MRPS6: variants seen among roughly 807,000 people sequenced by gnomAD.
MRPS6 encodes small ribosomal subunit protein bS6m.
MRPS6 carries 6 observed loss-of-function variants against 13.1 expected under a neutral mutation model. The ratio of observed to expected loss-of-function variants is 0.46; its 90% CI spans 0.25 to 0.91. The LOEUF is 0.91. MRPS6 is among the 40% of genes least tolerant of loss of function. The pLI is 0.18. For missense variants in MRPS6, 164 were observed against 155.6 expected (o/e 1.05, Z -0.29); for synonymous variants, 61 against 56.5 (o/e 1.08, Z -0.36).
At chr21:34,119,972 C>A (rs1980063324) in intron 1 of MRPS6, among the ~76,000 whole-genome samples, 2 of 152,176 alleles carry the variant, frequency 1.3e-5, no homozygotes, top group Non-Finnish European at 2.9e-5. Context: ...ATCTCTAGAA[C>A]TGTGGTTTTC....
chr21:34,113,257 C>T (rs1036744046), intron 1 of MRPS6, among the ~76,000 whole-genome samples: 2 of 152,086 alleles, frequency 1.3e-5, no homozygotes, highest in Non-Finnish European at 2.9e-5. Flanking sequence ...AAATCAGCAT[C>T]GAAGAGGTGT....
intron 1 of MRPS6, among the ~76,000 whole-genome samples, chr21:34,119,852 C>G (rs1198710985): frequency 6.6e-6 from 1 of 152,176 alleles, no homozygotes; most frequent in Non-Finnish European, 1.5e-5. Context: ...GCTTCAGTAA[C>G]CTTCCTGAGT....
chr21:34,105,087 T>G (rs1283828648), intron 1 of MRPS6: 1 of 1,000,072 alleles, frequency 1.0e-6, no homozygotes, highest in Non-Finnish European at 1.2e-6. Context: ...TGCAAAAGCT[T>G]TATTTTTTTT....
intron 1 of MRPS6, chr21:34,123,527 A>C (rs1481765703): frequency 6.7e-6 from 1 of 150,368 alleles, no homozygotes; most frequent in Non-Finnish European, 1.5e-5. Flanking sequence ...ATCCCATCCC[A>C]AATCTGTAAA....
At chr21:34,124,720 G>C (rs1371946231) in intron 1 of MRPS6, 1 of 151,850 alleles carries the variant, frequency 6.6e-6, no homozygotes, top group African/African-American at 2.4e-5. Context: ...TCTTCCTTTC[G>C]TGAGCCCTCT....
chr21:34,117,319 G>A (rs922054315), intron 1 of MRPS6, among the ~76,000 whole-genome samples: 1 of 151,976 alleles, frequency 6.6e-6, no homozygotes, highest in African/African-American at 2.4e-5. Context: ...CACTCTGAGA[G>A]CACCCAAAGT....
chr21:34,101,412 C>CT, intron 1 of MRPS6: 3 of 1,000,110 alleles, frequency 3.0e-6, no homozygotes, highest in Non-Finnish European at 3.6e-6. Context: ...TGCTTTGAGG[C>CT]TTCAGTATTT....
At chr21:34,131,571 G>A (rs1389483600) in intron 2 of MRPS6, among the ~76,000 whole-genome samples, 1 of 152,104 alleles carries the variant, frequency 6.6e-6, no homozygotes, top group Non-Finnish European at 1.5e-5. Context: ...TCCCATTTTT[G>A]TAGGTCTCTT....
chr21:34,095,308 G>T lies in MRPS6; in HGVS notation c.45+21563G>T, dbSNP rs1432399615. 6.2e-7 allele frequency: 1 copy of T among 1,614,132 alleles called. No homozygotes were observed. Among genetic ancestry groups the T allele is most frequent in the Admixed American group, 1.7e-5 (1 of 60,026 alleles). ...TGGAAATCTAATAGAAGCACCGTGA[G>T]TGGATACTTCCTGGCGGGGCGCTCT... On this transcript the variant is annotated intron_variant, in intron 1 of 2. Transcript: ENST00000399312.
intron 1 of MRPS6, chr21:34,095,755 C>T (rs780763091): frequency 1.2e-6 from 2 of 1,614,092 alleles, no homozygotes; most frequent in Non-Finnish European, 1.7e-6. Flanking sequence ...TACACAGACA[C>T]TCTGCAGGCT....
At chr21:34,102,791 A>G (rs1193769588) in intron 1 of MRPS6, 6 of 1,000,006 alleles carry the variant, frequency 6.0e-6, no homozygotes, top group Non-Finnish European at 7.2e-6. Flanking sequence ...GCACTATAAC[A>G]TAATTGTTGT....
intron 1 of MRPS6, among the ~76,000 whole-genome samples, chr21:34,108,691 A>G (rs1014595127): frequency 1.3e-5 from 2 of 152,224 alleles, no homozygotes; most frequent in African/African-American, 4.8e-5. Flanking sequence ...TTGCATGGAT[A>G]GAGTCTTTAT....
At position 34,096,774 on chromosome 21, in the gene MRPS6, A is replaced by G. The variant is rs920946715; in HGVS notation, c.45+23029A>G. On this transcript the variant is annotated intron_variant, in intron 1 of 2. Transcript: ENST00000399312. The surrounding 1 kb of genome is among the most constrained non-coding windows in gnomAD (Gnocchi z 5.9). ...ATTGTTTTGGGTCACGGGACTCATT[A>G]CTGTAATTGTGAGCCTTCTCACACC... is the stretch of plus-strand genomic sequence containing the variant. 6.2e-7 allele frequency: 1 copy of G among 1,614,030 alleles called. No individual in the cohort carries two copies. The highest frequency in any genetic ancestry group is 1.7e-5 in the Admixed American group (1 of 59,990).
chr21:34,105,729 T>C (rs759984897), intron 1 of MRPS6: 12 of 998,148 alleles, frequency 1.2e-5, no homozygotes, highest in African/African-American at 1.7e-5. Context: ...CCAGTTTACC[T>C]TCTGTTGTCT....
chr21:34,138,192 C>T (rs1174313447), intron 2 of MRPS6, among the ~76,000 whole-genome samples: 1 of 151,164 alleles, frequency 6.6e-6, no homozygotes, highest in African/African-American at 2.4e-5. Context: ...AAAATTTTCT[C>T]CCATTTTGTA....
chr21:34,083,435 A>G (rs1354605493), intron 1 of MRPS6, among the ~76,000 whole-genome samples: 3 of 152,218 alleles, frequency 2.0e-5, no homozygotes, highest in African/African-American at 7.2e-5. Context: ...TTTAAGGTGA[A>G]TTTCTGTTGC....
At position 34,142,896 on chromosome 21, in the gene MRPS6, A is replaced by G. The variant is rs866845328; in HGVS notation, c.*296A>G. 4.3e-6 allele frequency: 1 copy of G among 234,742 alleles called. No homozygotes were observed. Among genetic ancestry groups the G allele is most frequent in the Non-Finnish European group, 8.2e-6 (1 of 122,578 alleles). 14.5% of individuals were successfully genotyped at this position (234,742 alleles called of 1,614,324 possible). A position where few individuals can be genotyped will look rare whatever the true frequency, so the allele number is the denominator to read the frequency against. The stretch of plus-strand genomic sequence containing the variant: ...CTTACAACAGTAACACCATTTTTTG[A>G]AGAGCAAAACTTATAATACCTCCTG... On this transcript the variant is annotated 3_prime_UTR_variant, in exon 3 of 3. Transcript: ENST00000399312.
chr21:34,085,375 G>T (rs1363198534), intron 1 of MRPS6, among the ~76,000 whole-genome samples: 37 of 152,112 alleles, frequency 2.4e-4, no homozygotes, highest in Admixed American at 6.6e-5. Flanking sequence ...CAGTCATTTG[G>T]TTAGGTGGCA....
intron 1 of MRPS6, among the ~76,000 whole-genome samples, chr21:34,075,917 G>A (rs192840663): frequency 8.5e-5 from 13 of 152,338 alleles, no homozygotes; most frequent in Non-Finnish European, 1.8e-4. Context: ...TTGCACACCG[G>A]TAGCAGGCCT....
Sources: allele counts gnomAD v4.1 joint callset (sites outside exome capture counted in the v4.1 genomes callset), GRCh38; gene constraint gnomAD v4.1.1; non-coding constraint Gnocchi (gnomAD v3.1); transcripts MANE v1.5; gene names NCBI Gene and HGNC (gene_info 2026-07-23, HGNC 2026-07-21).